SIPA1L1: variants seen among roughly 807,000 people sequenced by gnomAD.
The protein encoded by SIPA1L1 is signal-induced proliferation-associated 1-like protein 1.
Under a neutral mutation model 162.7 loss-of-function variants are expected in SIPA1L1, and 26 were observed. That is an observed-to-expected ratio of 0.16 (90% CI 0.12 to 0.22). SIPA1L1 has a LOEUF of 0.22. Among genes scored for constraint, SIPA1L1 ranks in the 10% least tolerant of loss-of-function variants. SIPA1L1 has a pLI of 1.00. For missense variants in SIPA1L1, 1,874 were observed against 2,241.0 expected (o/e 0.84, Z 3.31); for synonymous variants, 829 against 837.4 (o/e 0.99, Z 0.17).
intron 2 of SIPA1L1, among the ~76,000 whole-genome samples, chr14:71,373,128 G>A (rs1349680534): frequency 2.0e-5 from 3 of 151,778 alleles, no homozygotes; most frequent in Non-Finnish European, 4.4e-5. Context: ...TGGCTAACAC[G>A]GTGAAACCCC....
At chr14:71,354,426 C>T (rs1293021330) in intron 2 of SIPA1L1, among the ~76,000 whole-genome samples, 2 of 151,768 alleles carry the variant, frequency 1.3e-5, no homozygotes, top group Non-Finnish European at 1.5e-5. Flanking sequence ...TACAGGCGCC[C>T]GTCACCACAC....
At chr14:71,532,660 T>C (rs749217905) in intron 4 of SIPA1L1, among the ~76,000 whole-genome samples, 3 of 152,258 alleles carry the variant, frequency 2.0e-5, no homozygotes, top group Non-Finnish European at 2.9e-5. Flanking sequence ...AAATGTTTTG[T>C]ACTCCTCTGT....
At chr14:71,667,925 C>T (rs1596785445) in intron 10 of SIPA1L1, among the ~76,000 whole-genome samples, 1 of 151,948 alleles carries the variant, frequency 6.6e-6, no homozygotes, top group Admixed American at 6.6e-5. Flanking sequence ...ATTAGCCAGG[C>T]GAGATGGCGG....
At chr14:71,503,402 T>C (rs902701076) in intron 2 of SIPA1L1, among the ~76,000 whole-genome samples, 2 of 152,210 alleles carry the variant, frequency 1.3e-5, no homozygotes, top group Non-Finnish European at 2.9e-5. Flanking sequence ...AAGATGCTGA[T>C]TTCATTGACT....
chr14:71,685,239 G>T (rs1004817306), intron 12 of SIPA1L1, 123 bp from the exon 13 acceptor site: 3 of 1,052,316 alleles, frequency 2.9e-6, no homozygotes, highest in African/African-American at 3.2e-5. Context: ...AGATTGAAAG[G>T]TGGTTTGAAA....
Position 71,738,221 on chromosome 14 carries a change from C to T in SIPA1L1, c.5124-20C>T. ...CCATGGAGGCCCCTGCCAACATGGT[C>T]TTTTGTTTCTTGTTCCCAGCAGTAA... On this transcript the variant is annotated intron_variant, in intron 22 of 23. Coordinates refer to ENST00000381232, the MANE Select transcript of SIPA1L1 (RefSeq NM_001386936.1). 8.7e-7 allele frequency: 1 copy of T among 1,148,586 alleles called. No homozygotes were observed. Among genetic ancestry groups the T allele is most frequent in the South Asian group, 1.3e-5 (1 of 78,276 alleles). The allele number at this position is 1,148,586 out of a possible 1,614,324, so 71.1% of individuals were successfully genotyped here. A position where few individuals can be genotyped will look rare whatever the true frequency, so the allele number is the denominator to read the frequency against.
intron 3 of SIPA1L1, among the ~76,000 whole-genome samples, chr14:71,515,354 A>G (rs193133119): frequency 6.6e-6 from 1 of 152,360 alleles, no homozygotes; most frequent in African/African-American, 2.4e-5. Context: ...GTTTGCTGAA[A>G]CATATCTCTA....
chr14:71,446,831 A>G (rs72728491), intron 2 of SIPA1L1, among the ~76,000 whole-genome samples: 173 of 150,560 alleles, frequency 1.1e-3, no homozygotes, highest in Non-Finnish European at 2.1e-3. Flanking sequence ...TTGACAAACC[A>G]TATTTGAAAA....
At chr14:71,547,216 T>C (rs777449888) in intron 4 of SIPA1L1, among the ~76,000 whole-genome samples, 1 of 152,130 alleles carries the variant, frequency 6.6e-6, no homozygotes, top group East Asian at 1.9e-4. Flanking sequence ...TGAATAACTT[T>C]TATTTTTTGT....
At chr14:71,388,426 T>C (rs560551231) in intron 2 of SIPA1L1, among the ~76,000 whole-genome samples, 34 of 152,332 alleles carry the variant, frequency 2.2e-4, no homozygotes, top group Non-Finnish European at 3.8e-4. Context: ...ACATTAAGGA[T>C]TTAAGAGTGC....
chr14:71,540,351 G>A (rs2054270229), intron 4 of SIPA1L1, among the ~76,000 whole-genome samples: 1 of 152,140 alleles, frequency 6.6e-6, no homozygotes, highest in African/African-American at 2.4e-5. Flanking sequence ...TGATAGAACT[G>A]ATTCACAGAA....
intron 14 of SIPA1L1, among the ~76,000 whole-genome samples, chr14:71,700,352 G>C (rs553384295): frequency 6.6e-6 from 1 of 152,286 alleles, no homozygotes; most frequent in Non-Finnish European, 1.5e-5. Flanking sequence ...GGACAACATA[G>C]CCTGTCTCTT....
chr14:71,491,384 T>G (rs1018945131), intron 2 of SIPA1L1, among the ~76,000 whole-genome samples: 1 of 152,166 alleles, frequency 6.6e-6, no homozygotes. Flanking sequence ...GGGGACAGTA[T>G]ATCTCCAAAC....
chr14:71,356,028 T>C (rs919311910), intron 2 of SIPA1L1, among the ~76,000 whole-genome samples: 9 of 152,182 alleles, frequency 5.9e-5, no homozygotes, highest in Non-Finnish European at 1.2e-4. Flanking sequence ...AGTTCTGCAC[T>C]GTGGAACAAG....
intron 2 of SIPA1L1, among the ~76,000 whole-genome samples, chr14:71,419,044 C>T (rs1408213916): frequency 1.3e-5 from 2 of 152,184 alleles, no homozygotes; most frequent in African/African-American, 4.8e-5. Flanking sequence ...GGCAGCCCTT[C>T]CGCCTGATAT....
chr14:71,691,239 A>G (rs892188959), intron 13 of SIPA1L1, among the ~76,000 whole-genome samples: 5 of 152,300 alleles, frequency 3.3e-5, no homozygotes, highest in South Asian at 4.1e-4. Flanking sequence ...GTGCCTTTTC[A>G]TTATAGCCCT....
At chr14:71,415,915 C>G (rs1038839318) in intron 2 of SIPA1L1, 2 of 152,264 alleles carry the variant, frequency 1.3e-5, no homozygotes, top group African/African-American at 4.8e-5. Context: ...CTAGGCTTGT[C>G]TTGAGCTCTT....
rs1419482004 is a variant in SIPA1L1, at chr14:71,398,138, C to T, written c.-465+76957C>T. Among the ~76,000 whole-genome samples the T allele has an allele frequency of 2.0e-5, 3 of 151,184 alleles. No homozygotes were observed. In the East Asian group the frequency reaches 5.8e-4, roughly 29 times the overall value. On this transcript the variant is annotated intron_variant, in intron 2 of 23. Coordinates refer to ENST00000381232, the MANE Select transcript of SIPA1L1 (RefSeq NM_001386936.1). ...TCACGCCATTCTCCTGCCTCAGCCTCCCGAATGGCTGGGACTACAGGCGCC... is the reference window on the plus strand; with the variant it reads ...TCACGCCATTCTCCTGCCTCAGCCTTCCGAATGGCTGGGACTACAGGCGCC...
At chr14:71,411,678 G>A (rs1410301753) in intron 2 of SIPA1L1, among the ~76,000 whole-genome samples, 1 of 152,240 alleles carries the variant, frequency 6.6e-6, no homozygotes, top group Non-Finnish European at 1.5e-5. Context: ...CCTGCCTCTG[G>A]CACAGGTTCT....
Sources: gnomAD v4.1 joint callset for allele counts (sites outside exome capture counted in the v4.1 genomes callset) on GRCh38, gnomAD v4.1.1 for gene constraint, MANE v1.5 for transcripts, NCBI Gene and HGNC (gene_info 2026-07-23, HGNC 2026-07-21) for gene names.